Variants in ITGA9 observed in about 807,000 individuals in gnomAD.
The protein encoded by ITGA9 is integrin alpha-9.
ITGA9 carries 56 observed loss-of-function variants against 127.8 expected under a neutral mutation model. The observed-to-expected ratio is 0.44, with a 90% confidence interval of 0.35 to 0.55. The LOEUF (loss-of-function observed/expected upper bound fraction) is 0.55. ITGA9 is among the 20% of genes least tolerant of loss of function. The pLI is 0.00. For synonymous variants in ITGA9, 508 were observed against 514.5 expected, an observed-to-expected ratio of 0.99 and a Z score of 0.17; for missense variants, 1,196 against 1,347.1, an observed-to-expected ratio of 0.89 and a Z score of 1.76.
intron 22 of ITGA9, among the ~76,000 whole-genome samples, chr3:37,750,185 A>G (rs1266707108): frequency 1.3e-5 from 2 of 152,240 alleles, no homozygotes; most frequent in Non-Finnish European, 2.9e-5. Context: ...CTATGCATGT[A>G]AAAAGAAAAG....
At chr3:37,599,770 T>C (rs927488855) in intron 15 of ITGA9, among the ~76,000 whole-genome samples, 1 of 152,226 alleles carries the variant, frequency 6.6e-6, no homozygotes, top group African/African-American at 2.4e-5. Flanking sequence ...TAAATGCACA[T>C]GTACCTAATG....
chr3:37,726,388 T>C (rs544845584), intron 18 of ITGA9, among the ~76,000 whole-genome samples: 5 of 152,296 alleles, frequency 3.3e-5, no homozygotes, highest in African/African-American at 1.2e-4. Context: ...CTACCTAGCA[T>C]TGAGCATAAG....
chr3:37,566,663 AG>A (rs1699550628), intron 15 of ITGA9, among the ~76,000 whole-genome samples: 1 of 152,200 alleles, frequency 6.6e-6, no homozygotes, highest in Non-Finnish European at 1.5e-5. Context: ...TTGGCTACAG[AG>A]GAGAAAGATC....
At chr3:37,570,724 G>A (rs1022153612) in intron 15 of ITGA9, among the ~76,000 whole-genome samples, 5 of 152,154 alleles carry the variant, frequency 3.3e-5, no homozygotes, top group African/African-American at 4.8e-5. Context: ...CTGCAGAAGG[G>A]AAATAATAAT....
intron 6 of ITGA9, among the ~76,000 whole-genome samples, chr3:37,504,642 G>A (rs1213345206): frequency 6.6e-6 from 1 of 152,180 alleles, no homozygotes; most frequent in Non-Finnish European, 1.5e-5. Context: ...TGATGGGTTT[G>A]GGGTCTAGAA....
intron 11 of ITGA9, among the ~76,000 whole-genome samples, chr3:37,519,852 T>C (rs1699026802): frequency 6.6e-6 from 1 of 152,194 alleles, no homozygotes; most frequent in East Asian, 1.9e-4. Context: ...AGTTCTGTTT[T>C]TTGCCGTATC....
chr3:37,625,673 C>T (rs1248565627), intron 15 of ITGA9, among the ~76,000 whole-genome samples: 3 of 152,144 alleles, frequency 2.0e-5, no homozygotes, highest in Non-Finnish European at 4.4e-5. Flanking sequence ...CCTCTTTCTC[C>T]ATCCTAAGGA....
intron 22 of ITGA9, chr3:37,748,544 TTGAGACCAACC>T (rs1696537021): frequency 2.2e-6 from 1 of 464,036 alleles, no homozygotes; most frequent in African/African-American, 2.0e-5. Context: ...GGTCAGGAGT[TTGAGACCAACC>T]TGGCCAACAT....
intron 15 of ITGA9, among the ~76,000 whole-genome samples, chr3:37,545,632 T>TGCCACTTCTC (rs1435245426): frequency 6.6e-6 from 1 of 152,352 alleles, no homozygotes; most frequent in East Asian, 1.9e-4. Context: ...AGCCACTTCC[T>TGCCACTTCTC]TGGCTTCTCT....
At position 37,619,018 on chromosome 3, in the gene ITGA9, T is replaced by G. The variant is rs546558620; in HGVS notation, c.1690-10169T>G. 1.8e-4 allele frequency among the ~76,000 whole-genome samples: 27 copies of G among 152,220 alleles called. No homozygotes were observed. In the South Asian group the frequency reaches 5.4e-3, roughly 30 times the overall value. On this transcript the variant is annotated intron_variant, in intron 15 of 27. Coordinates refer to ENST00000264741, the MANE Select transcript of ITGA9 (RefSeq NM_002207.3). ...CAGTGAGGTGAACCCAGTACCTCAG[T>G]TGGAAATGCAGAAATCGCCCGTCTT...
At chr3:37,559,238 T>C (rs1055547602) in intron 15 of ITGA9, among the ~76,000 whole-genome samples, 1 of 151,930 alleles carries the variant, frequency 6.6e-6, no homozygotes, top group Non-Finnish European at 1.5e-5. Flanking sequence ...ATCAAACTTT[T>C]CTGAATCTGG....
chr3:37,518,860 CTGCAACCT>C (rs1699014867), intron 10 of ITGA9, among the ~76,000 whole-genome samples: 2 of 135,414 alleles, frequency 1.5e-5, no homozygotes, highest in Non-Finnish European at 3.1e-5. Context: ...TCTCAGCTCA[CTGCAACCT>C]CCGCTTCCCG....
chr3:37,738,527 GCACTGAGGAGC>G (rs1696393549), intron 20 of ITGA9, among the ~76,000 whole-genome samples: 4 of 152,196 alleles, frequency 2.6e-5, no homozygotes, highest in Admixed American at 6.5e-5. Flanking sequence ...TATCCTGATG[GCACTGAGGAGC>G]CACTGAAAGT....
chr3:37,753,967 A>G (rs1243093697), intron 23 of ITGA9: 4 of 152,210 alleles, frequency 2.6e-5, no homozygotes, highest in South Asian at 2.1e-4. Context: ...CAGACAGCTT[A>G]TGGGAGGCAG....
intron 15 of ITGA9, among the ~76,000 whole-genome samples, chr3:37,627,841 T>C (rs1700190889): frequency 1.3e-5 from 2 of 152,118 alleles, no homozygotes; most frequent in African/African-American, 2.4e-5. Context: ...ATATGCTAAG[T>C]GACTAAAGCA....
At chr3:37,528,439 C>A (rs1699116686) in intron 13 of ITGA9, among the ~76,000 whole-genome samples, 1 of 152,116 alleles carries the variant, frequency 6.6e-6, no homozygotes, top group Admixed American at 6.5e-5. Flanking sequence ...CTGGGGAGCC[C>A]TGCCCTGAAT....
chr3:37,505,606 T>A (rs560517911), intron 6 of ITGA9, among the ~76,000 whole-genome samples: 2 of 152,348 alleles, frequency 1.3e-5, no homozygotes, highest in Non-Finnish European at 2.9e-5. Flanking sequence ...GTTATGGTTC[T>A]GTGGTTATAG....
At chr3:37,526,414 C>G (rs573657938) in intron 13 of ITGA9, among the ~76,000 whole-genome samples, 2 of 152,316 alleles carry the variant, frequency 1.3e-5, no homozygotes, top group South Asian at 4.1e-4. Flanking sequence ...CATAATGTGC[C>G]ATAAAAATAT....
chr3:37,509,544 T>C (rs1427886205), intron 8 of ITGA9, among the ~76,000 whole-genome samples: 3 of 152,176 alleles, frequency 2.0e-5, no homozygotes, highest in African/African-American at 7.2e-5. Flanking sequence ...TTAGAACTGC[T>C]GTACGCCAGC....
Sources: gnomAD v4.1 joint callset for allele counts (sites outside exome capture counted in the v4.1 genomes callset) on GRCh38, gnomAD v4.1.1 for gene constraint, MANE v1.5 for transcripts, NCBI Gene and HGNC (gene_info 2026-07-23, HGNC 2026-07-21) for gene names.